STK31: variants seen among roughly 807,000 people sequenced by gnomAD.
STK31 encodes serine/threonine-protein kinase 31.
In STK31, 89 loss-of-function variants were observed where a neutral mutation model predicts 129.7. The ratio of observed to expected loss-of-function variants is 0.69; its 90% CI spans 0.58 to 0.82. STK31 has a LOEUF of 0.82. STK31 is among the 40% of genes least tolerant of loss of function. STK31 has a pLI of 0.00. For synonymous variants in STK31, 448 were observed against 395.3 expected (o/e 1.13, Z -1.58); for missense variants, 1,187 against 1,176.4 (o/e 1.01, Z -0.13).
At chr7:23,747,914 A>C (rs1361825235) in intron 8 of STK31, among the ~76,000 whole-genome samples, 2 of 152,056 alleles carry the variant, frequency 1.3e-5, no homozygotes, top group Non-Finnish European at 2.9e-5. Context: ...CAAAGTATCA[A>C]CTTTTGGTTT....
intron 22 of STK31, among the ~76,000 whole-genome samples, chr7:23,808,335 C>T (rs942691173): frequency 1.3e-5 from 2 of 151,742 alleles, no homozygotes; most frequent in African/African-American, 2.4e-5. Flanking sequence ...GTAAATTCAG[C>T]ACTTTATTGA....
At chr7:23,733,017 G>A (rs1787520051) in intron 6 of STK31, among the ~76,000 whole-genome samples, 1 of 151,966 alleles carries the variant, frequency 6.6e-6, no homozygotes, top group Non-Finnish European at 1.5e-5. Flanking sequence ...ATAACTTCTG[G>A]ACTGTATTTG....
chr7:23,737,781 T>G (rs1289391933), intron 8 of STK31, among the ~76,000 whole-genome samples: 3 of 152,220 alleles, frequency 2.0e-5, no homozygotes, highest in Non-Finnish European at 4.4e-5. Flanking sequence ...TGTGTCTTCT[T>G]TTATGGTAAT....
intron 1 of STK31, among the ~76,000 whole-genome samples, chr7:23,711,650 C>T (rs1785971015): frequency 6.6e-6 from 1 of 152,040 alleles, no homozygotes; most frequent in East Asian, 1.9e-4. Context: ...CCCACGGAAT[C>T]TTCAAAAATA....
At chr7:23,739,745 G>T (rs1787943546) in intron 8 of STK31, among the ~76,000 whole-genome samples, 1 of 152,156 alleles carries the variant, frequency 6.6e-6, no homozygotes. Flanking sequence ...TTTCCCCATT[G>T]CTTGTTTTTG....
intron 4 of STK31, chr7:23,725,745 G>A (rs1787024249): frequency 6.6e-6 from 1 of 152,192 alleles, no homozygotes; most frequent in Non-Finnish European, 1.5e-5. Context: ...TAAGTGGCAT[G>A]TACTTCGCAT....
rs574442105 is a variant in STK31, at chr7:23,757,768, C to T, written c.1293+3294C>T. On this transcript the variant is annotated intron_variant, in intron 10 of 23. Coordinates refer to ENST00000355870, the MANE Select transcript of STK31 (RefSeq NM_031414.5). ...CTCAGCACAGACCCTTTATGGGTGTCGGGCTGGGGGACGGTCAGGTCTTTC... is the reference window on the plus strand; with the variant it reads ...CTCAGCACAGACCCTTTATGGGTGTTGGGCTGGGGGACGGTCAGGTCTTTC... 1.1e-4 allele frequency among the ~76,000 whole-genome samples: 16 copies of T among 152,154 alleles called. No individual in the cohort carries two copies. The East Asian group carries it at 1.9e-3, about 18-fold the overall frequency.
At chr7:23,803,870 C>T (rs535431223) in intron 22 of STK31, among the ~76,000 whole-genome samples, 8 of 152,254 alleles carry the variant, frequency 5.3e-5, no homozygotes, top group African/African-American at 1.9e-4. Flanking sequence ...ATAGTTTTAT[C>T]ATGACACCAT....
At position 23,712,340 on chromosome 7, in the gene STK31, C is replaced by A. The variant is rs570261184; in HGVS notation, c.150+54C>A. The A allele has an allele frequency of 4.6e-5, 72 of 1,550,066 alleles. No homozygotes were observed. In the East Asian group the frequency reaches 1.3e-3, roughly 29 times the overall value. The stretch of plus-strand genomic sequence containing the variant: ...CTCACCTCCCCCAATCCAGTTCCTC[C>A]CCAACAAAAACAAAAATAAAACCCA... On this transcript the variant is annotated intron_variant, in intron 3 of 23. Transcript: ENST00000355870.
chr7:23,736,879 AAAAT>A, intron 7 of STK31, 21 bp from the exon 8 acceptor site: 1 of 1,577,256 alleles, frequency 6.3e-7, no homozygotes, highest in Non-Finnish European at 8.6e-7. Context: ...TTTGTTTGTC[AAAAT>A]AAATGAATTT....
chr7:23,785,476 A>G lies in STK31; in HGVS notation c.2149-2A>G. Reference sequence around the variant, plus strand: ...TTAACTGTGATAAAAACTTGTGCCTAGAACTCTGGTGGTCTCCTTACAATG... The same window carrying G: ...TTAACTGTGATAAAAACTTGTGCCTGGAACTCTGGTGGTCTCCTTACAATG... On this transcript the variant is annotated splice_acceptor_variant, in intron 17 of 23. Coordinates refer to ENST00000355870, the MANE Select transcript of STK31 (RefSeq NM_031414.5). LOFTEE classifies it high-confidence loss of function. The G allele has an allele frequency of 3.1e-6, 5 of 1,612,556 alleles. No individual in the cohort carries two copies. Among genetic ancestry groups the G allele is most frequent in the Non-Finnish European group, 4.2e-6 (5 of 1,178,768 alleles).
intron 8 of STK31, 59 bp downstream of exon 8, chr7:23,737,137 C>A: frequency 7.3e-7 from 1 of 1,367,206 alleles, no homozygotes; most frequent in Non-Finnish European, 9.6e-7. Flanking sequence ...TACTCATCTG[C>A]TGCTATTTAT....
intron 10 of STK31, among the ~76,000 whole-genome samples, chr7:23,757,825 C>T (rs1789193930): frequency 6.6e-6 from 1 of 152,180 alleles, no homozygotes; most frequent in African/African-American, 2.4e-5. Flanking sequence ...CAGACTGTCA[C>T]ATGGGGAGAA....
intron 2 of STK31, 40 bp downstream of exon 2, chr7:23,712,185 A>G (rs2128058313): frequency 6.2e-7 from 1 of 1,613,946 alleles, no homozygotes; most frequent in Non-Finnish European, 8.5e-7. Flanking sequence ...TAAGAGCTAG[A>G]TGATACTGAT....
chr7:23,719,485 CAT>C (rs1486385498), intron 4 of STK31, among the ~76,000 whole-genome samples: 1 of 151,978 alleles, frequency 6.6e-6, no homozygotes, highest in Non-Finnish European at 1.5e-5. Context: ...CAGATATAAA[CAT>C]GTGGTCACCA....
chr7:23,724,016 A>G (rs1333985314), intron 4 of STK31, among the ~76,000 whole-genome samples: 1 of 152,210 alleles, frequency 6.6e-6, no homozygotes, highest in Non-Finnish European at 1.5e-5. Context: ...GGGGAACTCA[A>G]ATGCAGTAAT....
chr7:23,717,097 C>CATTTTTTTTTTTTTTTT (rs1786381897), intron 3 of STK31, among the ~76,000 whole-genome samples: 1 of 42,936 alleles, frequency 2.3e-5, no homozygotes, highest in Non-Finnish European at 4.2e-5. Context: ...TCGCAACCTG[C>CATTTTTTTTTTTTTTTT]TTTTTTTTTT....
rs754772949 is a variant in STK31 at position 23,735,820 on chromosome 7, A to G, written c.766A>G (p.Lys256Glu). ...AAACCAGTCAACCTTCAGCAGGCCC[A>G]AGGGGCACTTAAGTGAGAAAATGAC... ...RSNQSTFSRP[K>E]GHLSEKMTLD... The change falls in exon 7 of 24, where the codon AAG (lysine) becomes GAG (glutamate). Residue 256 changes from lysine to glutamate, a missense_variant. Around this residue, in one of 5 missense-constraint regions of STK31, gnomAD observed 975 missense variants for 934.9 expected, o/e 1.04. Coordinates refer to ENST00000355870, the MANE Select transcript of STK31 (RefSeq NM_031414.5). The G allele has an allele frequency of 6.2e-7, 1 of 1,613,616 alleles. No individual in the cohort carries two copies. The highest frequency in any genetic ancestry group is 8.5e-7 in the Non-Finnish European group (1 of 1,179,716).
chr7:23,783,118 A>T (rs77855665), intron 16 of STK31, among the ~76,000 whole-genome samples: 1 of 152,236 alleles, frequency 6.6e-6, no homozygotes, highest in African/African-American at 2.4e-5. Context: ...AATAGACGAA[A>T]AAAGGAAAGT....
Sources: gnomAD v4.1 joint callset for allele counts (sites outside exome capture counted in the v4.1 genomes callset) on GRCh38, gnomAD v4.1.1 for gene constraint, gnomAD v4.1.1 regional missense constraint, MANE v1.5 for transcripts, NCBI Gene and HGNC (gene_info 2026-07-23, HGNC 2026-07-21) for gene names.